AGMO: variants seen among roughly 807,000 people sequenced by gnomAD.
AGMO encodes alkylglycerol monooxygenase.
AGMO carries 75 observed loss-of-function variants against 60.2 expected under a neutral mutation model. That is an observed-to-expected ratio of 1.25 (90% CI 1.03 to 1.51). The LOEUF is 1.51. Among genes scored for constraint, AGMO ranks in the 40% most tolerant of loss-of-function variants. The pLI, the probability that AGMO is intolerant of heterozygous loss-of-function variation, is 0.00. For missense variants in AGMO, 763 were observed against 525.5 expected (o/e 1.45, Z -4.42); for synonymous variants, 261 against 177.1 (o/e 1.47, Z -3.76).
intron 5 of AGMO, among the ~76,000 whole-genome samples, chr7:15,401,970 G>C (rs1420040167): frequency 6.6e-6 from 1 of 152,066 alleles, no homozygotes; most frequent in Admixed American, 6.6e-5. Flanking sequence ...ATGCATGAAT[G>C]ATGTTCCAGC....
chr7:15,465,622 T>G (rs1782264355), intron 3 of AGMO, among the ~76,000 whole-genome samples: 1 of 148,848 alleles, frequency 6.7e-6, no homozygotes, highest in African/African-American at 2.4e-5. Flanking sequence ...TATATGATTT[T>G]TTTTTTAGAG....
At position 15,478,168 on chromosome 7, in the gene AGMO, G is replaced by T. The variant is rs534186016; in HGVS notation, c.410-47060C>A. On this transcript the variant is annotated intron_variant, in intron 3 of 12. Transcript: ENST00000342526. Reference sequence around the variant, plus strand: ...TACTTATGAGTTAGATATCGCTGAAGCCTTAATTAGAAAATGGGCATGGAA... The same window carrying T: ...TACTTATGAGTTAGATATCGCTGAATCCTTAATTAGAAAATGGGCATGGAA... Among the ~76,000 whole-genome samples the T allele has an allele frequency of 5.3e-5, 8 of 152,262 alleles. No individual in the cohort carries two copies. The East Asian group carries it at 1.5e-3, about 29-fold the overall frequency.
chr7:15,206,777 C>T (rs142019637), intron 12 of AGMO, among the ~76,000 whole-genome samples: 18 of 152,118 alleles, frequency 1.2e-4, no homozygotes, highest in South Asian at 2.1e-4. Flanking sequence ...CTAAACATAA[C>T]GCAATCAAGT....
chr7:15,320,052 G>A (rs1391177591), intron 12 of AGMO, among the ~76,000 whole-genome samples: 2 of 147,826 alleles, frequency 1.4e-5, no homozygotes, highest in African/African-American at 4.9e-5. Context: ...TCATAGGTGG[G>A]AATTGAACAA....
At chr7:15,346,849 T>G (rs1457652882) in intron 12 of AGMO, among the ~76,000 whole-genome samples, 2 of 141,370 alleles carry the variant, frequency 1.4e-5, no homozygotes, top group Non-Finnish European at 3.1e-5. Flanking sequence ...TTGTTTAAAT[T>G]AGTAGTAAGT....
At chr7:15,499,565 A>G (rs1019714524) in intron 3 of AGMO, among the ~76,000 whole-genome samples, 3 of 151,870 alleles carry the variant, frequency 2.0e-5, no homozygotes, top group Non-Finnish European at 2.9e-5. Context: ...AAAATGGATC[A>G]ACCCCACTGT....
chr7:15,402,482 T>C (rs1188939454), intron 5 of AGMO, among the ~76,000 whole-genome samples: 1 of 151,552 alleles, frequency 6.6e-6, no homozygotes, highest in Non-Finnish European at 1.5e-5. Flanking sequence ...TGTGCAGTAA[T>C]AAATATTTCT....
chr7:15,357,539 G>A (rs907090570), intron 12 of AGMO, among the ~76,000 whole-genome samples: 2 of 152,100 alleles, frequency 1.3e-5, no homozygotes, highest in African/African-American at 2.4e-5. Flanking sequence ...TTGATTTTCG[G>A]CTGGTCTGAT....
rs868678392 is a variant in AGMO, at chr7:15,322,648, A to G, written c.1263+42866T>C. Among the ~76,000 whole-genome samples the G allele has an allele frequency of 2.0e-3, 152 of 76,712 alleles. 7 individuals carry two copies. The highest frequency in any genetic ancestry group is 2.2e-3 in the Non-Finnish European group (105 of 48,086). The allele number at this position is 76,712 out of a possible 152,430, so 50.3% of individuals were successfully genotyped here. A position where few individuals can be genotyped will look rare whatever the true frequency, so the allele number is the denominator to read the frequency against. On this transcript the variant is annotated intron_variant, in intron 12 of 12. Transcript: ENST00000342526. ...TATATATAAATATATATAAATATATAAATATATATATAAATATATATAAAT... is the reference window on the plus strand; with the variant it reads ...TATATATAAATATATATAAATATATGAATATATATATAAATATATATAAAT...
chr7:15,517,795 T>G (rs748089553), intron 3 of AGMO, among the ~76,000 whole-genome samples: 18 of 151,868 alleles, frequency 1.2e-4, no homozygotes, highest in Non-Finnish European at 2.1e-4. Flanking sequence ...TGTACCCCAG[T>G]GGTGCCTGGA....
chr7:15,387,908 T>C (rs905915351), intron 8 of AGMO, among the ~76,000 whole-genome samples: 10 of 137,930 alleles, frequency 7.3e-5, no homozygotes, highest in Non-Finnish European at 1.5e-4. Context: ...CATTCTCTTT[T>C]TTTTTTTTTT....
the AGMO span, among the ~76,000 whole-genome samples, chr7:15,120,940 T>C: frequency 6.6e-6 from 1 of 152,034 alleles, no homozygotes; most frequent in Non-Finnish European, 1.5e-5. Context: ...CCTGCATGCA[T>C]TAGGTATTTG....
intron 2 of AGMO, among the ~76,000 whole-genome samples, chr7:15,555,270 CATAT>C (rs375890408): frequency 0.012 from 1,343 of 113,986 alleles, 23 homozygotes; most frequent in East Asian, 0.064. Flanking sequence ...TGTATTGGAT[CATAT>C]ATATATATAT....
chr7:15,177,088 T>TA, the AGMO span, among the ~76,000 whole-genome samples: 1 of 144,840 alleles, frequency 6.9e-6, no homozygotes, highest in Non-Finnish European at 1.6e-5. Flanking sequence ...CTGATGCTTT[T>TA]AAAATAAGGG....
chr7:15,211,606 T>C (rs1781594083), intron 12 of AGMO, among the ~76,000 whole-genome samples: 1 of 151,938 alleles, frequency 6.6e-6, no homozygotes, highest in South Asian at 2.1e-4. Context: ...CATTTTAGTG[T>C]CTTAACATAA....
intron 12 of AGMO, among the ~76,000 whole-genome samples, chr7:15,356,539 G>A (rs1195245825): frequency 1.3e-5 from 2 of 152,022 alleles, no homozygotes; most frequent in Middle Eastern, 6.8e-3. Context: ...AAGAAAATCT[G>A]AAAAATTAAA....
intron 12 of AGMO, among the ~76,000 whole-genome samples, chr7:15,285,523 A>G (rs548223153): frequency 2.0e-5 from 3 of 152,204 alleles, no homozygotes; most frequent in African/African-American, 4.8e-5. Context: ...CAAGGAGGTG[A>G]AAGATCTCTA....
intron 3 of AGMO, among the ~76,000 whole-genome samples, chr7:15,470,503 G>C (rs1782424345): frequency 6.6e-6 from 1 of 151,564 alleles, no homozygotes; most frequent in Non-Finnish European, 1.5e-5. Flanking sequence ...TTCATAATTA[G>C]AATCTTAATA....
chr7:15,202,458 CAA>C (rs71004370), intron 12 of AGMO, among the ~76,000 whole-genome samples: 67 of 45,346 alleles, frequency 1.5e-3, no homozygotes, highest in African/African-American at 2.2e-3. Flanking sequence ...TACAAATGAG[CAA>C]AAAAAAAAAA....
Sources: gnomAD v4.1 joint callset for allele counts (sites outside exome capture counted in the v4.1 genomes callset) on GRCh38, gnomAD v4.1.1 for gene constraint, MANE v1.5 for transcripts, NCBI Gene and HGNC (gene_info 2026-07-23, HGNC 2026-07-21) for gene names.